Variants in GDF1 observed in about 807,000 individuals in gnomAD.
GDF1 encodes the protein growth differentiation factor 1.
Under a neutral mutation model 7.4 loss-of-function variants are expected in GDF1, and 8 were observed. The ratio of observed to expected loss-of-function variants is 1.09; its 90% confidence interval spans 0.64 to 1.96. The LOEUF is 1.96. Among genes scored for constraint, GDF1 ranks in the 30% most tolerant of loss-of-function variants. The pLI, the probability that GDF1 is intolerant of heterozygous loss-of-function variation, is 0.00. For missense variants in GDF1, 574 were observed against 551.5 expected (o/e 1.04, Z -0.41); for synonymous variants, 311 against 276.7 (o/e 1.12, Z -1.23).
rs1329889481 is a variant in GDF1 at position 18,869,365 on chromosome 19, A to G, written c.351T>C (p.Pro117=). The change falls in exon 8 of 8, where the codon CCT becomes CCC. Residue 117 remains proline, a synonymous_variant. Transcript: ENST00000247005. ...CAGGGCAATGCCCCGCGGCCGAGGC[A>G]GGCTCCGAGGCCCGGGTGGGCGCAC... ...DRGAPTRASE[P]ASAAGHCPEW... 6.5e-7 allele frequency: 1 copy of G among 1,530,208 alleles called. No individual in the cohort carries two copies. The highest frequency in any genetic ancestry group is 8.7e-7 in the Non-Finnish European group (1 of 1,145,384). 94.8% of individuals were successfully genotyped at this position (1,530,208 alleles called of 1,614,324 possible).
chr19:18,888,094 T>A (rs2056403905), intron 2 of GDF1, among the ~76,000 whole-genome samples: 1 of 152,152 alleles, frequency 6.6e-6, no homozygotes, highest in Non-Finnish European at 1.5e-5. Context: ...CTGAGGTGGC[T>A]CACGCCTGTA....
At chr19:18,879,176 G>A in intron 5 of GDF1, 65 bp downstream of exon 5, 1 of 1,606,018 alleles carries the variant, frequency 6.2e-7, no homozygotes, top group South Asian at 1.1e-5. Flanking sequence ...GACTGCCTGA[G>A]GAGGGGACAG....
At chr19:18,879,500 C>T (rs2056141712) in intron 4 of GDF1, 112 bp from the exon 5 acceptor site, 1 of 1,261,858 alleles carries the variant, frequency 7.9e-7, no homozygotes, top group African/African-American at 1.5e-5. Context: ...TCCTTGCCCA[C>T]CTCTGCCCAC....
chr19:18,879,196 C>T (rs371233615), intron 5 of GDF1, 45 bp downstream of exon 5: 24 of 1,610,130 alleles, frequency 1.5e-5, no homozygotes, highest in South Asian at 6.6e-5. Context: ...GGGATTGGGA[C>T]GAGGACGGGA....
chr19:18,885,277 T>C (rs1169513111), intron 2 of GDF1, among the ~76,000 whole-genome samples: 5 of 152,134 alleles, frequency 3.3e-5, no homozygotes, highest in Non-Finnish European at 7.3e-5. Flanking sequence ...CATAGTTCAC[T>C]GCAGCCTCGA....
intron 6 of GDF1, among the ~76,000 whole-genome samples, chr19:18,877,690 G>A (rs909899932): frequency 2.0e-5 from 3 of 148,588 alleles, no homozygotes; most frequent in African/African-American, 7.5e-5. Flanking sequence ...GGGAGGCGGC[G>A]GTTGCAGCGA....
intron 6 of GDF1, among the ~76,000 whole-genome samples, chr19:18,871,427 A>G (rs1163732045): frequency 6.6e-6 from 1 of 151,712 alleles, no homozygotes; most frequent in Non-Finnish European, 1.5e-5. Flanking sequence ...TCACCATATC[A>G]CCCAAGCTGG....
chr19:18,892,322 C>T (rs1373165901), intron 2 of GDF1, among the ~76,000 whole-genome samples: 1 of 152,020 alleles, frequency 6.6e-6, no homozygotes, highest in Non-Finnish European at 1.5e-5. Flanking sequence ...TGCTTAAAAA[C>T]ATCACATTCA....
intron 2 of GDF1, among the ~76,000 whole-genome samples, chr19:18,890,351 G>A (rs1057417028): frequency 5.9e-5 from 9 of 152,212 alleles, no homozygotes; most frequent in African/African-American, 2.2e-4. Flanking sequence ...TGTTGCCCCT[G>A]CCACACGGCC....
At chr19:18,882,360 T>C (rs1279376474) in intron 3 of GDF1, among the ~76,000 whole-genome samples, 1 of 151,642 alleles carries the variant, frequency 6.6e-6, no homozygotes, top group Non-Finnish European at 1.5e-5. Flanking sequence ...TAACCAGACG[T>C]GGTGGCTCAC....
intron 1 of GDF1, among the ~76,000 whole-genome samples, chr19:18,894,596 C>T (rs1173573497): frequency 1.3e-5 from 2 of 152,098 alleles, no homozygotes; most frequent in Non-Finnish European, 2.9e-5. Flanking sequence ...ACGGCTTGCC[C>T]TCCTGGGTCT....
rs764228779 is a variant in GDF1, at chr19:18,884,201, T to C, written c.-847A>G. 6 of 1,613,338 alleles carry C rather than the reference T, an allele frequency of 3.7e-6. No individual in the cohort carries two copies. The African/African-American group carries it at 4.0e-5, about 11-fold the overall frequency. On this transcript the variant is annotated 5_prime_UTR_variant, in exon 3 of 8. It removes an upstream start codon present in the reference 5' UTR. Coordinates refer to ENST00000247005, the MANE Select transcript of GDF1 (RefSeq NM_001492.6). ...TAGCGTAGCGTAGATGGAGTGGCCA[T>C]AGAAGCTTCCCTGGAGCAGGTAGGC... is the stretch of plus-strand genomic sequence containing the variant.
chr19:18,889,262 C>G (rs1452088657), intron 2 of GDF1, among the ~76,000 whole-genome samples: 7 of 152,132 alleles, frequency 4.6e-5, no homozygotes, highest in Non-Finnish European at 1.0e-4. Context: ...CCTCTCCATC[C>G]TGACTCTCCA....
chr19:18,876,121 A>T (rs2056056441), intron 6 of GDF1, among the ~76,000 whole-genome samples: 1 of 152,076 alleles, frequency 6.6e-6, no homozygotes, highest in Non-Finnish European at 1.5e-5. Context: ...AGTAGCTGGG[A>T]TTGCAGGCGT....
In GDF1 at chr19:18,895,912, T is replaced by C; in HGVS notation, c.-1162A>G. ...CAGCAGCAGCTCGGGCGGCGCCAGG[T>C]GCGCGTGCTCAGCCAGGCCGCGACG... On this transcript the variant is annotated 5_prime_UTR_variant, in exon 1 of 8. Transcript: ENST00000247005. This position sits in a 1 kb window ranked among gnomAD's most constrained non-coding sequence, Gnocchi z 6.4. 1 of 1,246,734 alleles carries C rather than the reference T, an allele frequency of 8.0e-7. No individual in the cohort carries two copies. The highest frequency in any genetic ancestry group is 2.3e-5 in the South Asian group (1 of 44,300). 77.2% of individuals were successfully genotyped at this position (1,246,734 alleles called of 1,614,324 possible). A position where few individuals can be genotyped will look rare whatever the true frequency, so the allele number is the denominator to read the frequency against.
chr19:18,895,686 C>T lies in GDF1; in HGVS notation c.-1074+138G>A. 1 of 357,546 alleles carries T rather than the reference C, an allele frequency of 2.8e-6. No homozygotes were observed. The highest frequency in any genetic ancestry group is 4.5e-6 in the Non-Finnish European group (1 of 223,270). The allele number at this position is 357,546 out of a possible 1,614,324, so 22.1% of individuals were successfully genotyped here. ...CGTCCTGGGCCTCTCCAGCCCGAGGCCCCCACCCACGTTCCGGCGACCCCT... is the reference window on the plus strand; with the variant it reads ...CGTCCTGGGCCTCTCCAGCCCGAGGTCCCCACCCACGTTCCGGCGACCCCT... On this transcript the variant is annotated intron_variant, in intron 1 of 7. Coordinates refer to ENST00000247005, the MANE Select transcript of GDF1 (RefSeq NM_001492.6). The surrounding 1 kb of genome is among the most constrained non-coding windows in gnomAD (Gnocchi z 6.4).
chr19:18,877,063 CTGTT>C (rs1249556468), intron 6 of GDF1, among the ~76,000 whole-genome samples: 2 of 152,232 alleles, frequency 1.3e-5, no homozygotes, highest in Non-Finnish European at 1.5e-5. Context: ...TCGTCCCATC[CTGTT>C]TTATACCCAA....
intron 6 of GDF1, among the ~76,000 whole-genome samples, chr19:18,874,199 T>C (rs2056023058): frequency 6.6e-6 from 1 of 152,162 alleles, no homozygotes; most frequent in Non-Finnish European, 1.5e-5. Flanking sequence ...GTTGGCCAGA[T>C]TATCAGTGCA....
chr19:18,872,318 G>C (rs1267927404), intron 6 of GDF1, among the ~76,000 whole-genome samples: 1 of 152,164 alleles, frequency 6.6e-6, no homozygotes, highest in African/African-American at 2.4e-5. Context: ...CCACCTTGGG[G>C]GAGATAGCTT....
Sources: gnomAD v4.1 joint callset for allele counts (sites outside exome capture counted in the v4.1 genomes callset) on GRCh38, gnomAD v4.1.1 for gene constraint, Gnocchi (gnomAD v3.1) non-coding constraint, MANE v1.5 for transcripts, NCBI Gene and HGNC (gene_info 2026-07-23, HGNC 2026-07-21) for gene names.